The following ANKIB1 variants were observed in gnomAD, a reference collection of about 807,000 sequenced individuals.
The protein encoded by ANKIB1 is ankyrin repeat and IBR domain-containing protein 1.
Under a neutral mutation model 122.1 loss-of-function variants are expected in ANKIB1, and 43 were observed. That is an observed-to-expected ratio of 0.35 (90% CI 0.28 to 0.45). The LOEUF (loss-of-function observed/expected upper bound fraction) is 0.45, where lower values mean the gene tolerates loss of function less well. ANKIB1 is among the 20% of genes least tolerant of loss of function. ANKIB1 has a pLI of 1.00. For synonymous variants in ANKIB1, 390 were observed against 442.0 expected, an observed-to-expected ratio of 0.88 and a Z score of 1.48; for missense variants, 992 against 1,329.5, an observed-to-expected ratio of 0.75 and a Z score of 3.95.
chr7:92,256,229 G>A (rs1801442723), intron 1 of ANKIB1, among the ~76,000 whole-genome samples: 1 of 152,184 alleles, frequency 6.6e-6, no homozygotes, highest in Admixed American at 6.5e-5. Context: ...ATAAGTGATA[G>A]GCTGTGAAGA....
At chr7:92,301,750 C>T (rs1236403016) in intron 2 of ANKIB1, among the ~76,000 whole-genome samples, 1 of 152,144 alleles carries the variant, frequency 6.6e-6, no homozygotes, top group African/African-American at 2.4e-5. Flanking sequence ...ATTTACTCAT[C>T]AGCATTAAGT....
At chr7:92,268,203 A>G (rs1801713644) in intron 1 of ANKIB1, among the ~76,000 whole-genome samples, 1 of 152,166 alleles carries the variant, frequency 6.6e-6, no homozygotes. Flanking sequence ...TTCTTTCTCC[A>G]TTGAGTTAAC....
At chr7:92,392,845 CAGA>C (rs1206858216) in intron 17 of ANKIB1, among the ~76,000 whole-genome samples, 2 of 151,954 alleles carry the variant, frequency 1.3e-5, no homozygotes, top group East Asian at 3.8e-4. Context: ...TTTTGAAATA[CAGA>C]AGGTCTAAAT....
chr7:92,268,897 G>T (rs937778374), intron 1 of ANKIB1, among the ~76,000 whole-genome samples: 1 of 152,164 alleles, frequency 6.6e-6, no homozygotes, highest in Non-Finnish European at 1.5e-5. Flanking sequence ...AAGTTTAAGG[G>T]ATCTAAGGGA....
At chr7:92,353,130 C>T (rs1007568373) in intron 9 of ANKIB1, among the ~76,000 whole-genome samples, 25 of 152,228 alleles carry the variant, frequency 1.6e-4, no homozygotes, top group African/African-American at 5.3e-4. Context: ...GTCCCTTTTA[C>T]AAAATTTTAT....
intron 12 of ANKIB1, among the ~76,000 whole-genome samples, chr7:92,387,236 C>T (rs1207763557): frequency 6.6e-6 from 1 of 152,126 alleles, no homozygotes; most frequent in Non-Finnish European, 1.5e-5. Flanking sequence ...TTATCACCTT[C>T]TCACAGGTCC....
At chr7:92,375,887 A>G (rs543728062) in intron 11 of ANKIB1, among the ~76,000 whole-genome samples, 2 of 152,376 alleles carry the variant, frequency 1.3e-5, no homozygotes, top group South Asian at 4.1e-4. Flanking sequence ...CGCTTAATCC[A>G]TAGGCTGCAG....
chr7:92,271,998 G>T (rs1801805189), intron 1 of ANKIB1, among the ~76,000 whole-genome samples: 1 of 152,154 alleles, frequency 6.6e-6, no homozygotes, highest in Non-Finnish European at 1.5e-5. Context: ...GATAGAAAAT[G>T]GAATGGTAGT....
intron 1 of ANKIB1, among the ~76,000 whole-genome samples, chr7:92,263,360 A>G (rs1384603282): frequency 6.6e-6 from 1 of 152,162 alleles, no homozygotes; most frequent in Non-Finnish European, 1.5e-5. Flanking sequence ...TCAGTTTTTG[A>G]AAGGTTGGAT....
intron 7 of ANKIB1, among the ~76,000 whole-genome samples, chr7:92,345,731 G>T (rs1803523893): frequency 6.6e-6 from 1 of 151,934 alleles, no homozygotes; most frequent in African/African-American, 2.4e-5. Flanking sequence ...CAAAGCTATT[G>T]TTTGATGACC....
At chr7:92,344,897 CT>C in intron 6 of ANKIB1, 80 bp from the exon 7 acceptor site, 1 of 1,282,750 alleles carries the variant, frequency 7.8e-7, no homozygotes, top group Non-Finnish European at 1.1e-6. Context: ...GTATTTTTGC[CT>C]TTTAAAAAAG....
chr7:92,360,942 G>A (rs1248582670), intron 9 of ANKIB1, among the ~76,000 whole-genome samples: 1 of 151,900 alleles, frequency 6.6e-6, no homozygotes, highest in Non-Finnish European at 1.5e-5. Context: ...TCAGCTCACT[G>A]CAGCCTCCAC....
chr7:92,357,870 A>G (rs1803855528), intron 9 of ANKIB1, among the ~76,000 whole-genome samples: 1 of 152,066 alleles, frequency 6.6e-6, no homozygotes, highest in African/African-American at 2.4e-5. Context: ...GTTTAGTGGC[A>G]TTGTTATTAC....
rs76301906 is a variant in ANKIB1 at position 92,354,258 on chromosome 7, G to A, written c.1397+1616G>A. On this transcript the variant is annotated intron_variant, in intron 9 of 19. Transcript: ENST00000265742. The stretch of plus-strand genomic sequence containing the variant: ...ACTGTAAATTTCTAGAATAACATTT[G>A]GAGAAATACATCAGCTTACTTTTTC... Among the ~76,000 whole-genome samples, 441 of 152,246 alleles carry A rather than the reference G, an allele frequency of 2.9e-3. 4 individuals are homozygous for A. Among genetic ancestry groups the A allele is most frequent in the African/African-American group, 0.01 (419 of 41,550 alleles).
chr7:92,334,463 TC>T (rs1562784974), intron 5 of ANKIB1, among the ~76,000 whole-genome samples: 2 of 152,052 alleles, frequency 1.3e-5, no homozygotes, highest in Admixed American at 1.3e-4. Context: ...TCAGACAGAT[TC>T]TAGAAAATTA....
intron 17 of ANKIB1, among the ~76,000 whole-genome samples, chr7:92,393,350 A>C (rs1340066410): frequency 6.6e-6 from 1 of 152,058 alleles, no homozygotes; most frequent in African/African-American, 2.4e-5. Flanking sequence ...AAAAATTGTG[A>C]TATATTAATG....
chr7:92,286,518 T>A (rs1802128924), intron 1 of ANKIB1, among the ~76,000 whole-genome samples: 1 of 151,552 alleles, frequency 6.6e-6, no homozygotes, highest in East Asian at 1.9e-4. Context: ...TCGCTTTTGT[T>A]GCCCAGGCTG....
At chr7:92,356,690 T>C (rs1045616105) in intron 9 of ANKIB1, among the ~76,000 whole-genome samples, 45 of 152,196 alleles carry the variant, frequency 3.0e-4, no homozygotes, top group Non-Finnish European at 5.1e-4. Flanking sequence ...AATAAAGCCT[T>C]CCTATCTGAT....
intron 5 of ANKIB1, among the ~76,000 whole-genome samples, chr7:92,334,793 T>C (rs1233727361): frequency 3.3e-5 from 5 of 151,984 alleles, no homozygotes; most frequent in South Asian, 4.1e-4. Context: ...AATAGCTATA[T>C]GACTACATAA....
Sources: gnomAD v4.1 joint callset for allele counts (sites outside exome capture counted in the v4.1 genomes callset) on GRCh38, gnomAD v4.1.1 for gene constraint, MANE v1.5 for transcripts, NCBI Gene and HGNC (gene_info 2026-07-23, HGNC 2026-07-21) for gene names.